The following SLC26A11 variants were observed in gnomAD, a reference collection of about 807,000 sequenced individuals.
SLC26A11 encodes solute carrier family 26 member 11.
In SLC26A11, 58 loss-of-function variants were observed where a neutral mutation model predicts 62.2. That is an observed-to-expected ratio of 0.93 (90% CI 0.76 to 1.16). The LOEUF is 1.16. Ranked by LOEUF, SLC26A11 falls within the 50% of genes most tolerant of loss-of-function variation. The pLI is 0.00. For synonymous variants in SLC26A11, 411 were observed against 368.9 expected, an observed-to-expected ratio of 1.11 and a Z score of -1.31; for missense variants, 790 against 794.3, an observed-to-expected ratio of 0.99 and a Z score of 0.06.
intron 10 of SLC26A11, among the ~76,000 whole-genome samples, chr17:80,242,370 C>T (rs2042886937): frequency 6.6e-6 from 1 of 152,244 alleles, no homozygotes; most frequent in Admixed American, 6.5e-5. Context: ...GTCTGTTCTA[C>T]CACTTATTGA....
At position 80,246,558 on chromosome 17, in the gene SLC26A11, C is replaced by T. The variant is rs1385075727; in HGVS notation, c.1203C>T (p.Tyr401=). The change falls in exon 13 of 18, where the codon TAC becomes TAT. Residue 401 remains tyrosine, a synonymous_variant. Transcript: ENST00000361193. This position sits in a 1 kb window ranked among gnomAD's most constrained non-coding sequence, Gnocchi z 4.4. ...ACTACCTGACCTCACTGTTCTACTA[C>T]ATCCCCAAGTCTGCCCTGGCTGCCG... ...SLDYLTSLFY[Y]IPKSALAAVI... The T allele has an allele frequency of 1.9e-6, 3 of 1,613,786 alleles. No homozygotes were observed. Among genetic ancestry groups the T allele is most frequent in the Non-Finnish European group, 2.5e-6 (3 of 1,180,024 alleles).
chr17:80,225,767 C>A, intron 5 of SLC26A11, 70 bp from the exon 6 acceptor site: 1 of 1,350,388 alleles, frequency 7.4e-7, no homozygotes, highest in Non-Finnish European at 1.1e-6. Flanking sequence ...GGGAGGTGGG[C>A]GGGGAGCTGG....
chr17:80,244,658 AT>A (rs1454900377), intron 10 of SLC26A11, among the ~76,000 whole-genome samples: 1 of 152,134 alleles, frequency 6.6e-6, no homozygotes, highest in African/African-American at 2.4e-5. Context: ...CCTGGCCAGC[AT>A]GGCAAAACCC....
Position 80,252,525 on chromosome 17 carries a change from T to G in SLC26A11, c.1730-100T>G. On this transcript the variant is annotated intron_variant, in intron 17 of 17. Transcript: ENST00000361193. The surrounding 1 kb of genome is among the most constrained non-coding windows in gnomAD (Gnocchi z 5.2). ...GCCCACAGCTCCTTCCTGCACACCT[T>G]CCAGGACTCTGGAAGGCCCTCCTTA... is the stretch of plus-strand genomic sequence containing the variant. 3 of 1,123,876 alleles carry G rather than the reference T, an allele frequency of 2.7e-6. No homozygotes were observed. Among genetic ancestry groups the G allele is most frequent in the East Asian group, 5.0e-5 (2 of 39,918 alleles). The allele number at this position is 1,123,876 out of a possible 1,614,324, so 69.6% of individuals were successfully genotyped here. A position where few individuals can be genotyped will look rare whatever the true frequency, so the allele number is the denominator to read the frequency against.
intron 11 of SLC26A11, among the ~76,000 whole-genome samples, chr17:80,245,915 G>A (rs146179453): frequency 0.011 from 1,660 of 152,320 alleles, 14 homozygotes; most frequent in Non-Finnish European, 0.017. Context: ...AGACAGAGTC[G>A]GCAGGAACCT....
At chr17:80,230,487 G>T (rs901796220) in intron 7 of SLC26A11, among the ~76,000 whole-genome samples, 2 of 152,132 alleles carry the variant, frequency 1.3e-5, no homozygotes, top group Admixed American at 6.6e-5. Flanking sequence ...GCAAGGTGAA[G>T]AAAGGCGACC....
Position 80,252,506 on chromosome 17 carries a change from A to G in SLC26A11, c.1730-119A>G. 1.2e-6 allele frequency: 1 copy of G among 825,998 alleles called. No individual in the cohort carries two copies. The highest frequency in any genetic ancestry group is 1.9e-6 in the Non-Finnish European group (1 of 535,798). The allele number at this position is 825,998 out of a possible 1,614,324, so 51.2% of individuals were successfully genotyped here. A position where few individuals can be genotyped will look rare whatever the true frequency, so the allele number is the denominator to read the frequency against. On this transcript the variant is annotated intron_variant, in intron 17 of 17. Coordinates refer to ENST00000361193, the MANE Select transcript of SLC26A11 (RefSeq NM_001166347.2). The surrounding 1 kb of genome is among the most constrained non-coding windows in gnomAD (Gnocchi z 5.2). ...AGTGACACTGGCCTGGGTGGCCCACAGCTCCTTCCTGCACACCTTCCAGGA... is the reference window on the plus strand; with the variant it reads ...AGTGACACTGGCCTGGGTGGCCCACGGCTCCTTCCTGCACACCTTCCAGGA...
intron 13 of SLC26A11, among the ~76,000 whole-genome samples, chr17:80,247,611 G>A (rs749190247): frequency 2.6e-5 from 4 of 152,236 alleles, no homozygotes; most frequent in Non-Finnish European, 4.4e-5. Context: ...GGCCTTTCGC[G>A]TGCCAGTGCG....
intron 10 of SLC26A11, 47 bp from the exon 11 acceptor site, chr17:80,245,149 C>T: frequency 6.3e-7 from 1 of 1,579,184 alleles, no homozygotes; most frequent in Non-Finnish European, 8.7e-7. Flanking sequence ...TTCCCTCCAT[C>T]CTGTGTGCCT....
At position 80,225,867 on chromosome 17, in the gene SLC26A11, C is replaced by T; in HGVS notation, c.544C>T (p.Pro182Ser). 1.2e-6 allele frequency: 2 copies of T among 1,613,960 alleles called. No homozygotes were observed. The highest frequency in any genetic ancestry group is 4.5e-5 in the East Asian group (2 of 44,872). Residue 182 changes from proline (P) to serine (S), a missense_variant, in exon 6 of 18, where the codon CCG becomes TCG. Coordinates refer to ENST00000361193, the MANE Select transcript of SLC26A11 (RefSeq NM_001166347.2). The stretch of plus-strand genomic sequence containing the variant: ...GCTGGGACTACAGAACATCCCCAGG[C>T]CGTTCTTCCTGCAGGTGTACCACAC... ...NLLGLQNIPR[P>S]FFLQVYHTFL...
At chr17:80,224,327 ATGAG>A (rs1019297676) in intron 5 of SLC26A11, among the ~76,000 whole-genome samples, 10 of 126,930 alleles carry the variant, frequency 7.9e-5, no homozygotes, top group South Asian at 2.6e-4. Context: ...GTGAGTGTGT[ATGAG>A]TGAGAGTGTG....
intron 9 of SLC26A11, among the ~76,000 whole-genome samples, chr17:80,238,425 A>G (rs916572060): frequency 2.0e-5 from 3 of 152,182 alleles, no homozygotes; most frequent in African/African-American, 7.2e-5. Context: ...CAAAACTCCT[A>G]AACATTGAGC....
In SLC26A11 at chr17:80,246,156, C is replaced by G. The variant is rs1275299331; in HGVS notation, c.1100C>G (p.Thr367Arg). 6.2e-7 allele frequency: 1 copy of G among 1,613,120 alleles called. No individual in the cohort carries two copies. Among genetic ancestry groups the G allele is most frequent in the Non-Finnish European group, 8.5e-7 (1 of 1,179,996 alleles). Reference sequence around the variant, plus strand: ...ACGGTCTCTGTGTTGCCTTCCAGGACAGCCGTGAACGCTCAGTCGGGGGTG... The same window carrying G: ...ACGGTCTCTGTGTTGCCTTCCAGGAGAGCCGTGAACGCTCAGTCGGGGGTG... Reference protein sequence around the residue: ...SYPVTGSFGRTAVNAQSGVCT... With the variant: ...SYPVTGSFGRRAVNAQSGVCT... The change falls in exon 12 of 18, where the codon ACA becomes AGA. Residue 367 changes from threonine (T) to arginine (R), a missense_variant and splice_region_variant. Physicochemically the swap from Thr to Arg is moderately conservative, Grantham distance 71. Transcript: ENST00000361193. This position sits in a 1 kb window ranked among gnomAD's most constrained non-coding sequence, Gnocchi z 4.4.
chr17:80,225,591 AC>A (rs2042385915), intron 5 of SLC26A11: 1 of 465,268 alleles, frequency 2.1e-6, no homozygotes, highest in Non-Finnish European at 3.8e-6. Flanking sequence ...TTAGAGAAAA[AC>A]ATATCACTGA....
rs369676754 is a variant in SLC26A11 at position 80,230,991 on chromosome 17, T to C, written c.736+3031T>C. 8.6e-3 allele frequency among the ~76,000 whole-genome samples: 1,313 copies of C among 152,038 alleles called. 23 individuals carry two copies. The highest frequency in any genetic ancestry group is 0.03 in the African/African-American group (1,244 of 41,470). On this transcript the variant is annotated intron_variant, in intron 7 of 17. Coordinates refer to ENST00000361193, the MANE Select transcript of SLC26A11 (RefSeq NM_001166347.2). ...GTCGTCTGTCTTTTTTTCTGAATGG[T>C]CTGTCTAGAAGTGTGTCAATGTTAT...
chr17:80,227,865 T>C lies in SLC26A11; in HGVS notation c.641T>C (p.Val214Ala). ...CTGGTCTGCATGCTGCTGCTGCTGG[T>C]GCTGAAGCTGATGCGGGACCACGTG... ...LGLVCMLLLLVLKLMRDHVPP... is the reference protein window; with the variant it reads ...LGLVCMLLLLALKLMRDHVPP... The change falls in exon 7 of 18, where the codon GTG becomes GCG. Residue 214 changes from valine to alanine, a missense_variant. Transcript: ENST00000361193. 1.0e-5 allele frequency: 16 copies of C among 1,603,030 alleles called. No homozygotes were observed. The highest frequency in any genetic ancestry group is 1.4e-5 in the Non-Finnish European group (16 of 1,179,846).
In SLC26A11 at chr17:80,224,382, CGT is replaced by C. The variant is rs534632573; in HGVS notation, c.513+1051_513+1052del. Among the ~76,000 whole-genome samples, 898 of 119,606 alleles carry C rather than the reference CGT, an allele frequency of 7.5e-3. 6 individuals carry two copies. The highest frequency in any genetic ancestry group is 0.018 in the African/African-American group (565 of 31,154). The allele number at this position is 119,606 out of a possible 152,430, so 78.5% of individuals were successfully genotyped here. On this transcript the variant is annotated intron_variant, in intron 5 of 17. Coordinates refer to ENST00000361193, the MANE Select transcript of SLC26A11 (RefSeq NM_001166347.2). ...GTGAGGGAGTGTGAGTGCGCGCGCG[CGT>C]GTGTGAGTGTATGAGTGTGAGAGTG...
intron 7 of SLC26A11, among the ~76,000 whole-genome samples, chr17:80,231,991 C>G (rs1222256509): frequency 6.6e-6 from 1 of 152,134 alleles, no homozygotes; most frequent in Non-Finnish European, 1.5e-5. Flanking sequence ...GATTTTCTTT[C>G]TACTTGTTCT....
rs1188203167 is a variant in SLC26A11 at position 80,222,527 on chromosome 17, G to A, written c.235-128G>A. The A allele has an allele frequency of 7.3e-6, 7 of 957,010 alleles. No individual in the cohort carries two copies. In the African/African-American group the frequency reaches 1.1e-4, roughly 16 times the overall value. The allele number at this position is 957,010 out of a possible 1,614,324, so 59.3% of individuals were successfully genotyped here. A position where few individuals can be genotyped will look rare whatever the true frequency, so the allele number is the denominator to read the frequency against. Reference sequence around the variant, plus strand: ...CACTGCAGGTCCACCCACAGGGCAGGGCGGTGCACCTTTAACCTGGGCCTG... The same window carrying A: ...CACTGCAGGTCCACCCACAGGGCAGAGCGGTGCACCTTTAACCTGGGCCTG... On this transcript the variant is annotated intron_variant, in intron 3 of 17. Transcript: ENST00000361193. The surrounding 1 kb of genome is among the most constrained non-coding windows in gnomAD (Gnocchi z 4.7).
Sources: allele counts gnomAD v4.1 joint callset (sites outside exome capture counted in the v4.1 genomes callset), GRCh38; gene constraint gnomAD v4.1.1; non-coding constraint Gnocchi (gnomAD v3.1); transcripts MANE v1.5; gene names NCBI Gene and HGNC (gene_info 2026-07-23, HGNC 2026-07-21).